CDC42BPA: variants seen among roughly 807,000 people sequenced by gnomAD.
CDC42BPA encodes CDC42 binding protein kinase alpha.
A neutral mutation model predicts 223.5 loss-of-function variants in CDC42BPA; 80 were observed. That is an observed-to-expected ratio of 0.36 (90% CI 0.30 to 0.43). The LOEUF (loss-of-function observed/expected upper bound fraction) is 0.43, where lower values mean the gene tolerates loss of function less well. CDC42BPA is among the 20% of genes least tolerant of loss of function. The pLI is 1.00. For synonymous variants in CDC42BPA, 694 were observed against 718.6 expected (o/e 0.97, Z 0.55); for missense variants, 1,743 against 2,099.9 (o/e 0.83, Z 3.32).
chr1:227,133,996 T>TAAATAAAA (rs1167807097), intron 10 of CDC42BPA, among the ~76,000 whole-genome samples: 2 of 151,564 alleles, frequency 1.3e-5, no homozygotes, highest in African/African-American at 2.4e-5. Context: ...AATAAATAAA[T>TAAATAAAA]AAAAAAGAAA....
chr1:227,180,402 G>A (rs970967148), intron 5 of CDC42BPA: 14 of 152,086 alleles, frequency 9.2e-5, no homozygotes, highest in African/African-American at 3.4e-4. Flanking sequence ...TAATACACAA[G>A]CTTAAAGCAT....
chr1:226,996,845 G>A (rs943195075), intron 35 of CDC42BPA, among the ~76,000 whole-genome samples: 18 of 152,166 alleles, frequency 1.2e-4, no homozygotes, highest in African/African-American at 4.3e-4. Context: ...TTGATGTGCT[G>A]CTGGAATGTT....
At chr1:227,299,757 A>G (rs1410385386) in intron 1 of CDC42BPA, among the ~76,000 whole-genome samples, 1 of 152,166 alleles carries the variant, frequency 6.6e-6, no homozygotes, top group East Asian at 1.9e-4. Flanking sequence ...TCTGGAAAAT[A>G]AAAACGACCT....
Position 227,317,631 on chromosome 1 carries a change from C to T in CDC42BPA, c.-449G>A, listed in dbSNP as rs976996667. The T allele has an allele frequency of 5.0e-6, 2 of 398,192 alleles. No homozygotes were observed. The highest frequency in any genetic ancestry group is 8.8e-6 in the Non-Finnish European group (2 of 226,016). The allele number at this position is 398,192 out of a possible 1,614,324, so 24.7% of individuals were successfully genotyped here. ...TCCGATTTGCATCAGCAATTCACTT[C>T]CCGGGAAGAAGAAAAACAGAAAAGG... is the stretch of plus-strand genomic sequence containing the variant. On this transcript the variant is annotated 5_prime_UTR_variant, in exon 1 of 37. Transcript: ENST00000366766.
rs144166672 is a variant in CDC42BPA, at chr1:227,103,499, T to C, written c.2002-2260A>G. 8.6e-4 allele frequency among the ~76,000 whole-genome samples: 131 copies of C among 152,200 alleles called. 3 individuals are homozygous for C. The East Asian group carries it at 0.024, about 28-fold the overall frequency. Reference sequence around the variant, plus strand: ...TCCACATAATTCTAATTAAAAGTTCTTTATAAATGTGGAGATAGAAGGGCA... The same window carrying C: ...TCCACATAATTCTAATTAAAAGTTCCTTATAAATGTGGAGATAGAAGGGCA... On this transcript the variant is annotated intron_variant, in intron 14 of 36. Coordinates refer to ENST00000366766, the MANE Select transcript of CDC42BPA (RefSeq NM_001394014.1).
At chr1:227,107,533 TGCCTCA>T (rs1419552801) in intron 14 of CDC42BPA, among the ~76,000 whole-genome samples, 2 of 152,182 alleles carry the variant, frequency 1.3e-5, no homozygotes, top group Non-Finnish European at 2.9e-5. Flanking sequence ...GTGATCCTCC[TGCCTCA>T]GCCCCCAGAG....
At position 227,105,026 on chromosome 1, in the gene CDC42BPA, A is replaced by T. The variant is rs541179268; in HGVS notation, c.2002-3787T>A. ...AACAACTTAAAAGTTTTCTTTAAAA[A>T]TTTTTTTTATTGAAATGTGATTCAC... On this transcript the variant is annotated intron_variant, in intron 14 of 36. Coordinates refer to ENST00000366766, the MANE Select transcript of CDC42BPA (RefSeq NM_001394014.1). Among the ~76,000 whole-genome samples, 15 of 152,184 alleles carry T rather than the reference A, an allele frequency of 9.9e-5. No individual in the cohort carries two copies. In the South Asian group the frequency reaches 2.9e-3, roughly 29 times the overall value.
chr1:227,041,911 G>A (rs1671453938), intron 23 of CDC42BPA, among the ~76,000 whole-genome samples: 1 of 152,120 alleles, frequency 6.6e-6, no homozygotes, highest in Admixed American at 6.5e-5. Flanking sequence ...CTTATTTCAT[G>A]CAAATAACCA....
At chr1:227,148,771 GCAAAAAAAA>G (rs1558615199) in intron 6 of CDC42BPA, among the ~76,000 whole-genome samples, 3 of 7,724 alleles carry the variant, frequency 3.9e-4, no homozygotes, top group South Asian at 5.1e-3. Flanking sequence ...GGTCTCAAAA[GCAAAAAAAA>G]AAAAAAAAAA....
chr1:227,033,285 T>C, intron 27 of CDC42BPA, 49 bp downstream of exon 27: 1 of 1,228,110 alleles, frequency 8.1e-7, no homozygotes, highest in Non-Finnish European at 1.2e-6. Context: ...CAAAATATAC[T>C]CATTAAAAAC....
chr1:227,032,093 CACA>C (rs1252575920), intron 27 of CDC42BPA, among the ~76,000 whole-genome samples: 1 of 152,160 alleles, frequency 6.6e-6, no homozygotes, highest in East Asian at 1.9e-4. Flanking sequence ...TCTGTTACTT[CACA>C]ACAATAACTC....
rs1405094620 is a variant in CDC42BPA, at chr1:226,991,949, AGAG to A, written c.*2316_*2318del. On this transcript the variant is annotated 3_prime_UTR_variant, in exon 37 of 37. Coordinates refer to ENST00000366766, the MANE Select transcript of CDC42BPA (RefSeq NM_001394014.1). Reference sequence around the variant, plus strand: ...AGAGGAGAAGGCAAGGGGAAAGGGAAGAGGAGGATGGGGAGGGTGGGGATGGGG... The same window carrying A: ...AGAGGAGAAGGCAAGGGGAAAGGGAAGAGGATGGGGAGGGTGGGGATGGGG... The A allele has an allele frequency of 7.3e-6, 1 of 136,250 alleles. No individual in the cohort carries two copies. The highest frequency in any genetic ancestry group is 2.7e-5 in the African/African-American group (1 of 37,336). The allele number at this position is 136,250 out of a possible 1,614,324, so 8.4% of individuals were successfully genotyped here.
At chr1:227,055,250 G>A (rs936210421) in intron 21 of CDC42BPA, among the ~76,000 whole-genome samples, 3 of 151,622 alleles carry the variant, frequency 2.0e-5, no homozygotes, top group African/African-American at 4.8e-5. Flanking sequence ...TTCATTTCTC[G>A]GTTACCGCCA....
Position 226,994,795 on chromosome 1 carries a change from T to C in CDC42BPA, c.5133+28A>G. Reference sequence around the variant, plus strand: ...AAGATGCCCTAGTCTTTCTGATACATGACGTCTCCGGAACCCTGCCCACTC... The same window carrying C: ...AAGATGCCCTAGTCTTTCTGATACACGACGTCTCCGGAACCCTGCCCACTC... On this transcript the variant is annotated intron_variant, in intron 36 of 36. Transcript: ENST00000366766. The surrounding 1 kb of genome is among the most constrained non-coding windows in gnomAD (Gnocchi z 4.0). The C allele has an allele frequency of 6.3e-7, 1 of 1,581,770 alleles. No homozygotes were observed. The highest frequency in any genetic ancestry group is 8.6e-7 in the Non-Finnish European group (1 of 1,162,492).
intron 21 of CDC42BPA, among the ~76,000 whole-genome samples, chr1:227,060,323 G>C (rs1463545920): frequency 6.6e-6 from 1 of 152,178 alleles, no homozygotes; most frequent in Non-Finnish European, 1.5e-5. Context: ...TCCAGCAGTA[G>C]AGCTTCACTA....
At chr1:227,114,287 A>T (rs766055890) in intron 12 of CDC42BPA, among the ~76,000 whole-genome samples, 10 of 152,064 alleles carry the variant, frequency 6.6e-5, no homozygotes, top group African/African-American at 9.7e-5. Flanking sequence ...CTGAAGAAGT[A>T]ACAACAGCAA....
chr1:227,109,854 G>A (rs10799384), intron 14 of CDC42BPA, among the ~76,000 whole-genome samples: 29,894 of 151,040 alleles, frequency 0.2, 3,040 homozygotes, highest in Middle Eastern at 0.25. Context: ...ATACTCTTAA[G>A]GGACCATTGT....
intron 2 of CDC42BPA, among the ~76,000 whole-genome samples, chr1:227,246,554 G>T (rs1182843509): frequency 1.3e-5 from 2 of 152,170 alleles, no homozygotes; most frequent in Non-Finnish European, 2.9e-5. Flanking sequence ...TTGGAAGAAA[G>T]TAAAGTAAAA....
intron 11 of CDC42BPA, among the ~76,000 whole-genome samples, chr1:227,123,471 A>G (rs932102325): frequency 2.0e-5 from 3 of 152,218 alleles, no homozygotes; most frequent in African/African-American, 4.8e-5. Context: ...TGGAAGAGAA[A>G]TATAAAACAT....
Sources: gnomAD v4.1 joint callset for allele counts (sites outside exome capture counted in the v4.1 genomes callset) on GRCh38, gnomAD v4.1.1 for gene constraint, Gnocchi (gnomAD v3.1) non-coding constraint, MANE v1.5 for transcripts, NCBI Gene and HGNC (gene_info 2026-07-23, HGNC 2026-07-21) for gene names.